Variants in ADAM2 observed in about 807,000 individuals in gnomAD.
ADAM2 encodes disintegrin and metalloproteinase domain-containing protein 2.
Under a neutral mutation model 99.3 loss-of-function variants are expected in ADAM2, and 101 were observed. That is an observed-to-expected ratio of 1.02 (90% CI 0.87 to 1.20). ADAM2 has a LOEUF of 1.20. Ranked by LOEUF, ADAM2 falls within the 50% of genes most tolerant of loss-of-function variation. The probability of loss-of-function intolerance (pLI) is 0.00; values close to 1 mark genes in which losing one functional copy is unlikely to be tolerated. For synonymous variants in ADAM2, 323 were observed against 287.6 expected, an observed-to-expected ratio of 1.12 and a Z score of -1.25; for missense variants, 948 against 878.7, an observed-to-expected ratio of 1.08 and a Z score of -1.00.
At chr8:39,791,423 A>G (rs183361390) in intron 7 of ADAM2, among the ~76,000 whole-genome samples, 200 of 152,178 alleles carry the variant, frequency 1.3e-3, no homozygotes, top group Non-Finnish European at 2.4e-3. Context: ...ATTGAAAATC[A>G]GTTAGATCTT....
chr8:39,798,225 T>G (rs1283527296), intron 7 of ADAM2, among the ~76,000 whole-genome samples: 1 of 152,202 alleles, frequency 6.6e-6, no homozygotes, highest in Non-Finnish European at 1.5e-5. Context: ...CAATACCTAG[T>G]TTATTGAGGG....
intron 7 of ADAM2, among the ~76,000 whole-genome samples, chr8:39,789,132 A>G (rs1354734176): frequency 3.3e-5 from 5 of 151,692 alleles, no homozygotes; most frequent in African/African-American, 1.2e-4. Context: ...TAAAAGATAT[A>G]CCATACAAAC....
Position 39,769,401 on chromosome 8 carries a change from C to T in ADAM2, c.1203G>A (p.Gly401=), listed in dbSNP as rs1479011461. Reference sequence around the variant, plus strand: ...CCGAATTAGTACCAACCTGTTCAGTCCCACAGTCACACTCCTCTCCTGCTT... The same window carrying T: ...CCGAATTAGTACCAACCTGTTCAGTTCCACAGTCACACTCCTCTCCTGCTT... The part of the protein sequence containing the change: ...KLEAGEECDC[G]TEQDCALIGE... Residue 401 remains glycine, a synonymous_variant, in exon 12 of 21, where the codon GGG becomes GGA. Coordinates refer to ENST00000265708, the MANE Select transcript of ADAM2 (RefSeq NM_001464.5). 7 of 1,613,458 alleles carry T rather than the reference C, an allele frequency of 4.3e-6. No individual in the cohort carries two copies. Among genetic ancestry groups the T allele is most frequent in the South Asian group, 2.2e-5 (2 of 91,032 alleles).
Position 39,787,961 on chromosome 8 carries a change from T to C in ADAM2, c.809+124A>G, listed in dbSNP as rs549267804. ...TATAAATACCATGTTGTGAAAAATATTTACATGGCGTGTGTGAGAAAAAAA... is the reference window on the plus strand; with the variant it reads ...TATAAATACCATGTTGTGAAAAATACTTACATGGCGTGTGTGAGAAAAAAA... On this transcript the variant is annotated intron_variant, in intron 9 of 20. Transcript: ENST00000265708. 2.1e-5 allele frequency: 12 copies of C among 568,560 alleles called. No homozygotes were observed. In the South Asian group the frequency reaches 4.1e-4, roughly 19 times the overall value. The allele number at this position is 568,560 out of a possible 1,614,324, so 35.2% of individuals were successfully genotyped here. A position where few individuals can be genotyped will look rare whatever the true frequency, so the allele number is the denominator to read the frequency against.
At chr8:39,786,371 T>C (rs1803467388) in intron 10 of ADAM2, among the ~76,000 whole-genome samples, 1 of 152,192 alleles carries the variant, frequency 6.6e-6, no homozygotes. Context: ...ACTTCATTTG[T>C]TCATTGCCTC....
chr8:39,802,376 C>T (rs1749706736), intron 7 of ADAM2, among the ~76,000 whole-genome samples: 1 of 152,170 alleles, frequency 6.6e-6, no homozygotes, highest in South Asian at 2.1e-4. Flanking sequence ...CCTCTTATGG[C>T]TTTTTTTCAA....
chr8:39,777,742 C>G (rs1191957637), intron 10 of ADAM2, among the ~76,000 whole-genome samples: 6 of 151,676 alleles, frequency 4.0e-5, no homozygotes, highest in Non-Finnish European at 8.8e-5. Flanking sequence ...TCCAATTATC[C>G]TAATTTAATC....
intron 18 of ADAM2, 27 bp from the exon 19 acceptor site, chr8:39,746,658 G>T: frequency 6.5e-7 from 1 of 1,532,326 alleles, no homozygotes; most frequent in Non-Finnish European, 8.8e-7. Context: ...TCAAAGATTT[G>T]AAAGCAAGCA....
intron 19 of ADAM2, among the ~76,000 whole-genome samples, chr8:39,745,461 A>G (rs2129582504): frequency 6.6e-6 from 1 of 152,216 alleles, no homozygotes; most frequent in East Asian, 1.9e-4. Flanking sequence ...AATGAAGGAC[A>G]TAGTTATATA....
chr8:39,788,868 A>G (rs900373475), intron 7 of ADAM2, 128 bp from the exon 8 acceptor site: 9 of 494,646 alleles, frequency 1.8e-5, no homozygotes, highest in Middle Eastern at 5.8e-4. Context: ...ATTAGTTTTT[A>G]GACATTATTT....
At chr8:39,786,869 T>C (rs1179968274) in intron 10 of ADAM2, 105 bp downstream of exon 10, 1 of 775,766 alleles carries the variant, frequency 1.3e-6, no homozygotes, top group Non-Finnish European at 2.0e-6. Context: ...GTGACAAAGA[T>C]GCTTAGAACA....
chr8:39,744,255 A>G (rs1823354154), intron 20 of ADAM2, among the ~76,000 whole-genome samples, 191 bp from the exon 21 acceptor site: 2 of 152,178 alleles, frequency 1.3e-5, no homozygotes, highest in Non-Finnish European at 2.9e-5. Flanking sequence ...ATAACACTGT[A>G]ATAAATTTTT....
chr8:39,826,254 G>A (rs1425104615), intron 3 of ADAM2, among the ~76,000 whole-genome samples: 1 of 152,068 alleles, frequency 6.6e-6, no homozygotes, highest in Non-Finnish European at 1.5e-5. Context: ...ATAGACCAAT[G>A]GAACAATATA....
At chr8:39,744,943 A>C (rs768870022) in intron 19 of ADAM2, 50 bp from the exon 20 acceptor site, 2 of 1,417,062 alleles carry the variant, frequency 1.4e-6, no homozygotes, top group Non-Finnish European at 2.0e-6. Flanking sequence ...AGATGATTTT[A>C]CAAACCTCTG....
chr8:39,806,480 ATATAT>A (rs1373963148), intron 7 of ADAM2, among the ~76,000 whole-genome samples: 2 of 148,180 alleles, frequency 1.3e-5, no homozygotes, highest in African/African-American at 4.9e-5. Context: ...GTTATATATA[ATATAT>A]TATAAATATT....
At chr8:39,834,732 C>CAAAAAA (rs79431764) in intron 2 of ADAM2, among the ~76,000 whole-genome samples, 802 of 52,754 alleles carry the variant, frequency 0.015, 38 homozygotes, top group East Asian at 0.034. Flanking sequence ...AAGACTCCAT[C>CAAAAAA]AAAAAAAAAA....
In ADAM2 at chr8:39,767,050, G is replaced by A; in HGVS notation, c.1312-7C>T. The A allele has an allele frequency of 2.5e-6, 4 of 1,612,160 alleles. No homozygotes were observed. In the African/African-American group the frequency reaches 4.0e-5, roughly 16 times the overall value. On this transcript the variant is annotated splice_region_variant and splice_polypyrimidine_tract_variant and intron_variant, in intron 13 of 20. Coordinates refer to ENST00000265708, the MANE Select transcript of ADAM2 (RefSeq NM_001464.5). ...TTCTTTCTTTTGACATAAACTGATG[G>A]GATGAGGTAAATGATATTGAATTAA...
chr8:39,768,799 T>C (rs1802663334), intron 12 of ADAM2, among the ~76,000 whole-genome samples: 1 of 152,128 alleles, frequency 6.6e-6, no homozygotes. Flanking sequence ...ATTAGAATGG[T>C]GCTTACCAGG....
At chr8:39,763,737 C>G (rs575864803) in intron 14 of ADAM2, among the ~76,000 whole-genome samples, 1 of 152,346 alleles carries the variant, frequency 6.6e-6, no homozygotes, top group East Asian at 1.9e-4. Context: ...TATTTACTTT[C>G]CCTTTGGACT....
Sources: allele counts gnomAD v4.1 joint callset (sites outside exome capture counted in the v4.1 genomes callset), GRCh38; gene constraint gnomAD v4.1.1; transcripts MANE v1.5; gene names NCBI Gene and HGNC (gene_info 2026-07-23, HGNC 2026-07-21).